The following DNAH6 variants were observed in gnomAD, a reference collection of about 807,000 sequenced individuals.
The protein encoded by DNAH6 is axonemal beta dynein heavy chain 6.
A neutral mutation model predicts 491.4 loss-of-function variants in DNAH6; 340 were observed. The ratio of observed to expected loss-of-function variants is 0.69; its 90% CI spans 0.63 to 0.76. DNAH6 has a LOEUF of 0.76. Ranked by LOEUF, DNAH6 falls within the 30% of genes least tolerant of loss-of-function variation. The pLI is 0.00. For synonymous variants in DNAH6, 1,603 were observed against 1,686.1 expected, an observed-to-expected ratio of 0.95 and a Z score of 1.21; for missense variants, 4,443 against 4,972.2, an observed-to-expected ratio of 0.89 and a Z score of 3.20.
chr2:84,815,402 G>A (rs573809378), intron 75 of DNAH6, among the ~76,000 whole-genome samples: 26 of 149,656 alleles, frequency 1.7e-4, no homozygotes, highest in East Asian at 7.8e-4. Flanking sequence ...AGTGTGCACC[G>A]GTGGAGACAT....
intron 11 of DNAH6, among the ~76,000 whole-genome samples, chr2:84,572,445 G>T (rs1681992660): frequency 6.6e-6 from 1 of 152,118 alleles, no homozygotes. Flanking sequence ...GCACCTGCAT[G>T]ATGACATATG....
chr2:84,607,001 A>G lies in DNAH6; in HGVS notation c.3200A>G (p.Asn1067Ser), dbSNP rs1052297625. ...GTCCTTCTTGATGATAGCACCATCA[A>G]TGTTGCAACTCTTGCCTCATCACGT... ...IQVLLDDSTINVATLASSRYL... is the reference protein window; with the variant it reads ...IQVLLDDSTISVATLASSRYL... The change falls in exon 21 of 77, where the codon AAT (asparagine) becomes AGT (serine). Residue 1067 changes from asparagine to serine, a missense_variant. By Grantham distance (46) the Asn-to-Ser change is conservative (BLOSUM62 1). Around this residue, in one of 3 missense-constraint regions of DNAH6, gnomAD observed 2,977 missense variants for 3,296.6 expected, o/e 0.90. Coordinates refer to ENST00000389394, the MANE Select transcript of DNAH6 (RefSeq NM_001370.2). The G allele has an allele frequency of 1.8e-5, 28 of 1,551,260 alleles. No homozygotes were observed. In the South Asian group the frequency reaches 3.0e-4, roughly 16 times the overall value.
At chr2:84,609,809 T>C (rs1315046613) in intron 21 of DNAH6, among the ~76,000 whole-genome samples, 4 of 152,158 alleles carry the variant, frequency 2.6e-5, no homozygotes, top group Admixed American at 2.6e-4. Flanking sequence ...GAATTAACTT[T>C]CTTGATGCAG....
At chr2:84,701,468 G>T (rs1695893999) in intron 49 of DNAH6, 129 bp downstream of exon 49, 1 of 946,858 alleles carries the variant, frequency 1.1e-6, no homozygotes, top group East Asian at 2.7e-5. Context: ...CTGCTATAAA[G>T]AAATACCTGA....
At chr2:84,774,117 C>T (rs924467883) in intron 64 of DNAH6, among the ~76,000 whole-genome samples, 2 of 151,896 alleles carry the variant, frequency 1.3e-5, no homozygotes, top group African/African-American at 4.8e-5. Flanking sequence ...CTTTGGAGGA[C>T]TTAATCATAA....
intron 63 of DNAH6, 25 bp from the exon 64 acceptor site, chr2:84,762,730 C>T: frequency 6.8e-7 from 1 of 1,479,198 alleles, no homozygotes; most frequent in Non-Finnish European, 9.2e-7. Flanking sequence ...ATTCAACATA[C>T]TTTTTTTTTC....
chr2:84,819,016 G>A (rs1680775736), intron 76 of DNAH6, among the ~76,000 whole-genome samples: 1 of 152,090 alleles, frequency 6.6e-6, no homozygotes, highest in Non-Finnish European at 1.5e-5. Flanking sequence ...AGAGGTTGCA[G>A]CAAGCTGAGA....
At chr2:84,622,273 CT>C (rs1247539562) in intron 26 of DNAH6, among the ~76,000 whole-genome samples, 3 of 151,968 alleles carry the variant, frequency 2.0e-5, no homozygotes, top group African/African-American at 4.8e-5. Context: ...ATGGGATTTC[CT>C]TTTTTTAAGT....
chr2:84,530,764 A>G (rs1435430439), intron 4 of DNAH6, among the ~76,000 whole-genome samples: 1 of 152,194 alleles, frequency 6.6e-6, no homozygotes, highest in Non-Finnish European at 1.5e-5. Flanking sequence ...AGGTGAAGCC[A>G]ACGGAATGTC....
At chr2:84,810,142 A>T (rs1679819414) in intron 72 of DNAH6, among the ~76,000 whole-genome samples, 1 of 152,134 alleles carries the variant, frequency 6.6e-6, no homozygotes, top group South Asian at 2.1e-4. Context: ...CAGATGAATT[A>T]GGGTCCCATC....
Position 84,810,310 on chromosome 2 carries a change from C to A in DNAH6, c.11739+1768C>A, listed in dbSNP as rs541955099. ...CTTTGTTTCCTTAGTAACTGACATACTAAATCTTCCGTGAATATTTGAATG... is the reference window on the plus strand; with the variant it reads ...CTTTGTTTCCTTAGTAACTGACATAATAAATCTTCCGTGAATATTTGAATG... On this transcript the variant is annotated intron_variant, in intron 72 of 76. Coordinates refer to ENST00000389394, the MANE Select transcript of DNAH6 (RefSeq NM_001370.2). Among the ~76,000 whole-genome samples the A allele has an allele frequency of 1.6e-3, 243 of 152,320 alleles. 1 individual carries two copies. Among genetic ancestry groups the A allele is most frequent in the Admixed American group, 3.9e-3 (60 of 15,302 alleles).
At chr2:84,562,689 G>A (rs1429819028) in intron 11 of DNAH6, among the ~76,000 whole-genome samples, 4 of 152,172 alleles carry the variant, frequency 2.6e-5, no homozygotes, top group Non-Finnish European at 5.9e-5. Context: ...GAGGAAACCA[G>A]GCACAGCTTC....
chr2:84,591,487 T>G (rs1684109204), intron 16 of DNAH6, among the ~76,000 whole-genome samples: 1 of 152,156 alleles, frequency 6.6e-6, no homozygotes, highest in Non-Finnish European at 1.5e-5. Flanking sequence ...AGATATCCCA[T>G]GTTCATTGAT....
intron 64 of DNAH6, among the ~76,000 whole-genome samples, chr2:84,764,530 A>G (rs555371167): frequency 1.3e-5 from 2 of 152,316 alleles, no homozygotes; most frequent in East Asian, 3.9e-4. Context: ...AGCAAAAATT[A>G]TTTGGCAGTA....
the DNAH6 span, among the ~76,000 whole-genome samples, chr2:84,507,755 T>C: frequency 6.6e-6 from 1 of 152,244 alleles, no homozygotes; most frequent in Non-Finnish European, 1.5e-5. Flanking sequence ...ATACCTAATT[T>C]ATTGAGAGTT....
At chr2:84,624,764 T>A (rs1386556085) in intron 28 of DNAH6, 138 bp from the exon 29 acceptor site, 5 of 1,224,168 alleles carry the variant, frequency 4.1e-6, no homozygotes, top group Non-Finnish European at 5.6e-6. Flanking sequence ...TATTTAATTA[T>A]GTGCATGGAT....
chr2:84,470,261 G>A, the DNAH6 span, among the ~76,000 whole-genome samples: 1 of 152,264 alleles, frequency 6.6e-6, no homozygotes, highest in South Asian at 2.1e-4. Flanking sequence ...CAGGACAAAG[G>A]TCCCAATCCA....
At chr2:84,647,153 AG>A (rs1689980358) in intron 33 of DNAH6, among the ~76,000 whole-genome samples, 1 of 152,136 alleles carries the variant, frequency 6.6e-6, no homozygotes, top group South Asian at 2.1e-4. Context: ...GGCCAAAAGT[AG>A]TTTCTTGTGA....
intron 10 of DNAH6, 35 bp downstream of exon 10, chr2:84,553,069 AC>A (rs1218480649): frequency 7.8e-7 from 1 of 1,277,612 alleles, no homozygotes; most frequent in Non-Finnish European, 1.1e-6. Flanking sequence ...ACATGCAAGC[AC>A]CTATTTGGAA....
Sources: allele counts gnomAD v4.1 joint callset (sites outside exome capture counted in the v4.1 genomes callset), GRCh38; gene constraint gnomAD v4.1.1; regional missense constraint gnomAD v4.1.1; transcripts MANE v1.5; gene names NCBI Gene and HGNC (gene_info 2026-07-23, HGNC 2026-07-21).